Variants in AKT3 observed in about 807,000 individuals in gnomAD.
AKT3 encodes AKT serine/threonine kinase 3, also known as RAC-gamma serine/threonine-protein kinase.
A neutral mutation model predicts 65.3 loss-of-function variants in AKT3; 15 were observed. The ratio of observed to expected loss-of-function variants is 0.23; its 90% CI spans 0.15 to 0.35. AKT3 has a LOEUF of 0.35. AKT3 is among the 10% of genes least tolerant of loss of function. The pLI is 1.00. For missense variants in AKT3, 243 were observed against 576.5 expected (o/e 0.42, Z 5.92); for synonymous variants, 206 against 183.8 (o/e 1.12, Z -0.98).
intron 9 of AKT3, among the ~76,000 whole-genome samples, chr1:243,572,452 C>T (rs1674631905): frequency 6.6e-6 from 1 of 152,034 alleles, no homozygotes; most frequent in African/African-American, 2.4e-5. Context: ...CTATTACCAA[C>T]AGAAAAAATA....
At chr1:243,606,941 G>A (rs1401648702) in intron 8 of AKT3, among the ~76,000 whole-genome samples, 2 of 152,236 alleles carry the variant, frequency 1.3e-5, no homozygotes, top group African/African-American at 4.8e-5. Flanking sequence ...GCTTCAGAGG[G>A]TGCAAGCCCC....
intron 2 of AKT3, among the ~76,000 whole-genome samples, chr1:243,699,673 T>G (rs1392045125): frequency 6.6e-6 from 1 of 151,502 alleles, no homozygotes; most frequent in East Asian, 1.9e-4. Flanking sequence ...CCTCGAATGA[T>G]GTACGCACCC....
chr1:243,644,862 A>G (rs1231587172), intron 5 of AKT3, among the ~76,000 whole-genome samples: 2 of 152,162 alleles, frequency 1.3e-5, no homozygotes, highest in East Asian at 1.9e-4. Context: ...TCTTTTTGCA[A>G]TGATGGAGGA....
chr1:243,643,293 C>T (rs1680578232), intron 5 of AKT3, among the ~76,000 whole-genome samples: 1 of 152,180 alleles, frequency 6.6e-6, no homozygotes, highest in East Asian at 1.9e-4. Flanking sequence ...GGAGGCACTG[C>T]TTATACTTTA....
Position 243,620,347 on chromosome 1 carries a change from CAGT to C in AKT3, c.562-5189_562-5187del, listed in dbSNP as rs1200298612. On this transcript the variant is annotated intron_variant, in intron 6 of 13. Coordinates refer to ENST00000673466, the MANE Select transcript of AKT3 (RefSeq NM_005465.7). ...TCTTTATAAATTACCCAATCTTGGG[CAGT>C]TCTTTATACCAGTGTGAGAATGAAC... is the stretch of plus-strand genomic sequence containing the variant. Among the ~76,000 whole-genome samples, 93 of 80,278 alleles carry C rather than the reference CAGT, an allele frequency of 1.2e-3. 2 individuals carry two copies. The highest frequency in any genetic ancestry group is 6.4e-3 in the Middle Eastern group (1 of 156). 52.7% of individuals were successfully genotyped at this position (80,278 alleles called of 152,430 possible). A position where few individuals can be genotyped will look rare whatever the true frequency, so the allele number is the denominator to read the frequency against.
At chr1:243,675,079 C>T (rs562306330) in intron 3 of AKT3, among the ~76,000 whole-genome samples, 3 of 152,292 alleles carry the variant, frequency 2.0e-5, no homozygotes, top group East Asian at 1.9e-4. Flanking sequence ...TTAAATGCCT[C>T]GAGATTTCCA....
At chr1:243,662,680 C>G (rs1252081749) in intron 4 of AKT3, among the ~76,000 whole-genome samples, 2 of 150,914 alleles carry the variant, frequency 1.3e-5, no homozygotes, top group African/African-American at 4.9e-5. Context: ...ACATTGTGCA[C>G]ATGTACCCTG....
intron 2 of AKT3, among the ~76,000 whole-genome samples, chr1:243,770,736 A>C (rs1460352572): frequency 7.3e-6 from 1 of 137,752 alleles, no homozygotes; most frequent in Non-Finnish European, 1.5e-5. Context: ...TCTAAATAGA[A>C]AAAAAAAAAA....
intron 13 of AKT3, among the ~76,000 whole-genome samples, chr1:243,509,243 C>G (rs545648806): frequency 2.0e-5 from 3 of 152,186 alleles, no homozygotes; most frequent in African/African-American, 7.2e-5. Flanking sequence ...TTAATGAAGC[C>G]AAGGAACTAG....
chr1:243,495,705 G>A (rs960628986), downstream of AKT3, among the ~76,000 whole-genome samples: 13 of 152,186 alleles, frequency 8.5e-5, no homozygotes, highest in African/African-American at 2.9e-4. Context: ...ACAGGTGGGC[G>A]GTCCTGCTCG....
intron 8 of AKT3, among the ~76,000 whole-genome samples, chr1:243,610,666 A>G (rs1489528205): frequency 6.6e-6 from 1 of 152,240 alleles, no homozygotes. Flanking sequence ...ACATAAATGA[A>G]AAGTCTTCCT....
intron 5 of AKT3, among the ~76,000 whole-genome samples, chr1:243,643,250 C>A (rs887369778): frequency 6.6e-6 from 1 of 152,102 alleles, no homozygotes; most frequent in African/African-American, 2.4e-5. Context: ...TGATACAATC[C>A]CAAGAACTGG....
intron 3 of AKT3, among the ~76,000 whole-genome samples, chr1:243,665,452 G>C (rs1188747327): frequency 6.6e-6 from 1 of 152,028 alleles, no homozygotes; most frequent in African/African-American, 2.4e-5. Context: ...AATATAAACT[G>C]CCTGTAACTC....
At position 243,661,892 on chromosome 1, in the gene AKT3, G is replaced by A. The variant is rs1389602378; in HGVS notation, c.284+2880C>T. Among the ~76,000 whole-genome samples, 230 of 146,268 alleles carry A rather than the reference G, an allele frequency of 1.6e-3. 1 individual carries two copies. Among genetic ancestry groups the A allele is most frequent in the African/African-American group, 4.7e-3 (187 of 39,856 alleles). On this transcript the variant is annotated intron_variant, in intron 4 of 13. Coordinates refer to ENST00000673466, the MANE Select transcript of AKT3 (RefSeq NM_005465.7). ...CAAACAACCCCATCAAAAAGTGGGC[G>A]AAGGACATGAACAGACACTTCTCAA...
intron 8 of AKT3, among the ~76,000 whole-genome samples, chr1:243,588,824 G>T (rs1675994349): frequency 6.6e-6 from 1 of 152,042 alleles, no homozygotes; most frequent in South Asian, 2.1e-4. Flanking sequence ...CTTGATATTG[G>T]TCTTGGCAAG....
intron 10 of AKT3, among the ~76,000 whole-genome samples, chr1:243,553,818 T>C (rs981771248): frequency 1.3e-5 from 2 of 152,214 alleles, no homozygotes; most frequent in African/African-American, 4.8e-5. Context: ...ATCAGATTTG[T>C]TCTTCATCCA....
At chr1:243,687,972 C>G in intron 3 of AKT3, 1 of 151,982 alleles carries the variant, frequency 6.6e-6, no homozygotes. Flanking sequence ...CACCTGTTAA[C>G]AGATATAACT....
At chr1:243,622,982 T>G (rs1255224627) in intron 6 of AKT3, among the ~76,000 whole-genome samples, 1 of 152,174 alleles carries the variant, frequency 6.6e-6, no homozygotes, top group Non-Finnish European at 1.5e-5. Context: ...CAGGCCTGGG[T>G]TGCCCAAACT....
intron 12 of AKT3, among the ~76,000 whole-genome samples, chr1:243,515,857 G>T (rs1216989898): frequency 6.6e-6 from 1 of 152,024 alleles, no homozygotes; most frequent in East Asian, 1.9e-4. Flanking sequence ...GGCTGTGGTG[G>T]CAGGTGCCTG....
Sources: gnomAD v4.1 joint callset for allele counts (sites outside exome capture counted in the v4.1 genomes callset) on GRCh38, gnomAD v4.1.1 for gene constraint, MANE v1.5 for transcripts, NCBI Gene and HGNC (gene_info 2026-07-23, HGNC 2026-07-21) for gene names.